The following CARD18 variants were observed in gnomAD, a reference collection of about 807,000 sequenced individuals.
CARD18 encodes caspase recruitment domain family member 18.
In CARD18, 7 loss-of-function variants were observed where a neutral mutation model predicts 7.9. The observed-to-expected ratio is 0.88, with a 90% confidence interval of 0.50 to 1.66. The LOEUF (loss-of-function observed/expected upper bound fraction) is 1.66. CARD18 is among the 40% of genes most tolerant of loss of function. The pLI is 0.00. For synonymous variants in CARD18, 34 were observed against 34.8 expected (o/e 0.98, Z 0.08); for missense variants, 134 against 105.5 (o/e 1.27, Z -1.18).
At position 105,139,613 on chromosome 11, in the gene CARD18, C is replaced by T; in HGVS notation, c.7+107G>A. 8.1e-6 allele frequency: 10 copies of T among 1,233,762 alleles called. No homozygotes were observed. The South Asian group carries it at 1.0e-4, about 13-fold the overall frequency. The allele number at this position is 1,233,762 out of a possible 1,614,324, so 76.4% of individuals were successfully genotyped here. On this transcript the variant is annotated intron_variant, in intron 1 of 2. Coordinates refer to ENST00000530950, the MANE Select transcript of CARD18 (RefSeq NM_021571.4). ...GCCTCTCCCTTCTTCTTTCTCTCTCCACCCCAAGGCTGCCCACACAAACCT... is the reference window on the plus strand; with the variant it reads ...GCCTCTCCCTTCTTCTTTCTCTCTCTACCCCAAGGCTGCCCACACAAACCT...
chr11:105,138,307 A>T (rs1865431288), intron 2 of CARD18, among the ~76,000 whole-genome samples: 1 of 152,192 alleles, frequency 6.6e-6, no homozygotes, highest in African/African-American at 2.4e-5. Context: ...TGCAAATATA[A>T]TTATTTAGTG....
rs988729196 is a variant in CARD18, at chr11:105,139,009, A to G, written c.77T>C (p.Leu26Pro). 2.5e-5 allele frequency: 40 copies of G among 1,613,570 alleles called. No homozygotes were observed. Among genetic ancestry groups the G allele is most frequent in the Non-Finnish European group, 3.2e-5 (38 of 1,179,716 alleles). The change falls in exon 2 of 3, where the codon CTG (leucine) becomes CCG (proline). Residue 26 changes from leucine (L) to proline (P), a missense_variant. Coordinates refer to ENST00000530950, the MANE Select transcript of CARD18 (RefSeq NM_021571.4). ...AACTTCATCCTCTAATAGGCAATCC[A>G]GCAAGGCATTTATTGTGCCTGCACC... is the stretch of plus-strand genomic sequence containing the variant. ...SVGAGTINAL[L>P]DCLLEDEVIS...
At chr11:105,138,311 T>C (rs796791751) in intron 2 of CARD18, among the ~76,000 whole-genome samples, 5 of 152,298 alleles carry the variant, frequency 3.3e-5, no homozygotes, top group African/African-American at 1.2e-4. Flanking sequence ...AATATAATTA[T>C]TTAGTGCATA....
chr11:105,139,445 C>T, intron 1 of CARD18: 1 of 550,118 alleles, frequency 1.8e-6, no homozygotes, highest in Non-Finnish European at 3.2e-6. Flanking sequence ...ATCCTGTGCC[C>T]ATTCTCATCC....
chr11:105,139,215 T>A (rs1426313365), intron 1 of CARD18, 137 bp from the exon 2 acceptor site: 1 of 909,376 alleles, frequency 1.1e-6, no homozygotes, highest in Non-Finnish European at 1.6e-6. Context: ...TACCTTTGCA[T>A]TTACTCCACG....
chr11:105,139,012 A>G lies in CARD18; in HGVS notation c.74T>C (p.Leu25Ser), dbSNP rs1865441122. 5 of 1,613,640 alleles carry G rather than the reference A, an allele frequency of 3.1e-6. No individual in the cohort carries two copies. The highest frequency in any genetic ancestry group is 2.5e-6 in the Non-Finnish European group (3 of 1,179,690). The change falls in exon 2 of 3, where the codon TTG becomes TCG. Residue 25 changes from leucine (L) to serine (S), a missense_variant. Transcript: ENST00000530950. ...HSVGAGTINA[L>S]LDCLLEDEVI... is the part of the protein sequence containing the mutation. The stretch of plus-strand genomic sequence containing the variant: ...TTCATCCTCTAATAGGCAATCCAGC[A>G]AGGCATTTATTGTGCCTGCACCCAC...
At chr11:105,139,335 T>C (rs1162435711) in intron 1 of CARD18, 4 of 553,662 alleles carry the variant, frequency 7.2e-6, no homozygotes, top group Non-Finnish European at 1.3e-5. Context: ...CATTCTATTC[T>C]GACACATCCC....
intron 1 of CARD18, 74 bp from the exon 2 acceptor site, chr11:105,139,152 A>T (rs1012808903): frequency 2.0e-6 from 3 of 1,485,738 alleles, no homozygotes; most frequent in African/African-American, 2.8e-5. Context: ...ACAGGGTAAC[A>T]ATCATTTAAA....
Position 105,139,059 on chromosome 11 carries a change from C to T in CARD18, c.27G>A (p.Lys9=), listed in dbSNP as rs1281293811. Residue 9 remains lysine, a synonymous_variant, in exon 2 of 3, where the codon AAG becomes AAA. Transcript: ENST00000530950. MADQLLRK[K]RRIFIHSVGA... is the part of the protein sequence containing the mutation. ...CCACTGAATGGATAAAAATTCTTCT[C>T]TTTTTACGCAAGAGTTGGTCTGTTG... is the stretch of plus-strand genomic sequence containing the variant. 1.2e-6 allele frequency: 2 copies of T among 1,612,936 alleles called. No individual in the cohort carries two copies. The highest frequency in any genetic ancestry group is 3.3e-5 in the Admixed American group (2 of 59,906).
In CARD18 at chr11:105,138,075, G is replaced by A. The variant is rs1865427309; in HGVS notation, c.*25C>T. 6.6e-6 allele frequency: 1 copy of A among 152,052 alleles called. No homozygotes were observed. The highest frequency in any genetic ancestry group is 2.4e-5 in the African/African-American group (1 of 41,406). The allele number at this position is 152,052 out of a possible 1,614,324, so 9.4% of individuals were successfully genotyped here. A position where few individuals can be genotyped will look rare whatever the true frequency, so the allele number is the denominator to read the frequency against. On this transcript the variant is annotated 3_prime_UTR_variant, in exon 3 of 3. Transcript: ENST00000530950. ...GAAGAAGCTCTGGGAAGTCTCTGAA[G>A]TGCTCCAGAGTTCCATCTTCTCTCT...
rs1415373161 is a variant in CARD18, at chr11:105,139,693, C to T, written c.7+27G>A. On this transcript the variant is annotated intron_variant, in intron 1 of 2. Transcript: ENST00000530950. Reference sequence around the variant, plus strand: ...TTCCCAAACTAATTCCTCCCTAAGACCTATCCTCTTACTGGGGAAGACTCA... The same window carrying T: ...TTCCCAAACTAATTCCTCCCTAAGATCTATCCTCTTACTGGGGAAGACTCA... The T allele has an allele frequency of 5.0e-6, 8 of 1,598,384 alleles. No individual in the cohort carries two copies. In the South Asian group the frequency reaches 8.8e-5, roughly 18 times the overall value.
Position 105,139,707 on chromosome 11 carries a change from G to T in CARD18, c.7+13C>A. 1.9e-6 allele frequency: 3 copies of T among 1,598,754 alleles called. No homozygotes were observed. The highest frequency in any genetic ancestry group is 2.2e-5 in the South Asian group (2 of 91,044). ...CCTCCCTAAGACCTATCCTCTTACT[G>T]GGGAAGACTCACCAGCCATGGCTCC... On this transcript the variant is annotated intron_variant, in intron 1 of 2. Coordinates refer to ENST00000530950, the MANE Select transcript of CARD18 (RefSeq NM_021571.4).
At position 105,139,053 on chromosome 11, in the gene CARD18, T is replaced by G. The variant is rs955185847; in HGVS notation, c.33A>C (p.Arg11Ser). The G allele has an allele frequency of 6.2e-7, 1 of 1,613,174 alleles. No individual in the cohort carries two copies. Among genetic ancestry groups the G allele is most frequent in the Non-Finnish European group, 8.5e-7 (1 of 1,179,486 alleles). ...CTGCACCCACTGAATGGATAAAAAT[T>G]CTTCTCTTTTTACGCAAGAGTTGGT... Reference protein sequence around the residue: MADQLLRKKRRIFIHSVGAGT... With the variant: MADQLLRKKRSIFIHSVGAGT... Residue 11 changes from arginine (R) to serine (S), a missense_variant, in exon 2 of 3, where the codon AGA becomes AGC. Physicochemically the swap from Arg to Ser is moderately radical, Grantham distance 110. Coordinates refer to ENST00000530950, the MANE Select transcript of CARD18 (RefSeq NM_021571.4).
chr11:105,138,726 C>T (rs1865436218), intron 2 of CARD18, 86 bp downstream of exon 2: 1 of 1,439,062 alleles, frequency 6.9e-7, no homozygotes. Context: ...ACCCTATTAT[C>T]AACTGACAAG....
At chr11:105,139,190 C>A in intron 1 of CARD18, 112 bp from the exon 2 acceptor site, 5 of 1,207,828 alleles carry the variant, frequency 4.1e-6, no homozygotes, top group Non-Finnish European at 5.8e-6. Context: ...ACAGTAATCC[C>A]AAGGAACGGT....
chr11:105,139,590 C>G, intron 1 of CARD18, 130 bp downstream of exon 1: 8 of 924,002 alleles, frequency 8.7e-6, no homozygotes, highest in Non-Finnish European at 1.3e-5. Context: ...CCCACCCTGC[C>G]TCTCCCTTCT....
intron 2 of CARD18, 41 bp downstream of exon 2, chr11:105,138,771 C>G (rs755352894): frequency 1.1e-5 from 18 of 1,599,864 alleles, no homozygotes; most frequent in Non-Finnish European, 1.4e-5. Flanking sequence ...ATTCAAGATA[C>G]AGGGCCTATT....
chr11:105,139,521 C>A (rs1865447215), intron 1 of CARD18, 199 bp downstream of exon 1: 1 of 591,030 alleles, frequency 1.7e-6, no homozygotes, highest in Non-Finnish European at 3.0e-6. Flanking sequence ...AGTAGGATCC[C>A]AGATTCTTCC....
In CARD18 at chr11:105,139,557, C is replaced by T. The variant is rs139430793; in HGVS notation, c.7+163G>A. 3.0e-3 allele frequency: 1,959 copies of T among 659,958 alleles called. 38 individuals are homozygous for T. The African/African-American group carries it at 0.031, about 11-fold the overall frequency. 40.9% of individuals were successfully genotyped at this position (659,958 alleles called of 1,614,324 possible). A position where few individuals can be genotyped will look rare whatever the true frequency, so the allele number is the denominator to read the frequency against. ...TGGCCTTTATCTGTTCCTTCAAAAA[C>T]GCTGTGCAAGTCTGGGCATCTTCCC... On this transcript the variant is annotated intron_variant, in intron 1 of 2. Coordinates refer to ENST00000530950, the MANE Select transcript of CARD18 (RefSeq NM_021571.4).
Sources: gnomAD v4.1 joint callset for allele counts (sites outside exome capture counted in the v4.1 genomes callset) on GRCh38, gnomAD v4.1.1 for gene constraint, MANE v1.5 for transcripts, NCBI Gene and HGNC (gene_info 2026-07-23, HGNC 2026-07-21) for gene names.